PPARD: variants seen among roughly 807,000 people sequenced by gnomAD.
PPARD encodes peroxisome proliferator-activated receptor delta.
Under a neutral mutation model 39.5 loss-of-function variants are expected in PPARD, and 6 were observed. The ratio of observed to expected loss-of-function variants is 0.15; its 90% CI spans 0.08 to 0.30. The LOEUF (loss-of-function observed/expected upper bound fraction) is 0.30. PPARD is among the 10% of genes least tolerant of loss of function. The pLI, the probability that PPARD is intolerant of heterozygous loss-of-function variation, is 1.00. For missense variants in PPARD, 397 were observed against 596.8 expected (o/e 0.67, Z 3.49); for synonymous variants, 210 against 231.3 (o/e 0.91, Z 0.83).
At chr6:35,356,987 C>T (rs1761652257) in intron 2 of PPARD, among the ~76,000 whole-genome samples, 1 of 152,236 alleles carries the variant, frequency 6.6e-6, no homozygotes. Context: ...CATATGATGT[C>T]TGCACAACAG....
intron 2 of PPARD, among the ~76,000 whole-genome samples, chr6:35,403,554 CA>C (rs1764835209): frequency 6.6e-6 from 1 of 152,168 alleles, no homozygotes; most frequent in Admixed American, 6.5e-5. Flanking sequence ...TATATTTATT[CA>C]TCCAGCAAAC....
At chr6:35,369,749 A>G (rs994458517) in intron 2 of PPARD, among the ~76,000 whole-genome samples, 1 of 152,246 alleles carries the variant, frequency 6.6e-6, no homozygotes, top group African/African-American at 2.4e-5. Flanking sequence ...ACAGACGTTT[A>G]GGTTATTTCT....
At chr6:35,376,657 C>G (rs1430279629) in intron 2 of PPARD, among the ~76,000 whole-genome samples, 1 of 152,068 alleles carries the variant, frequency 6.6e-6, no homozygotes, top group Non-Finnish European at 1.5e-5. Context: ...AGTGCGGCAC[C>G]CCTTTACTAC....
chr6:35,397,277 A>G (rs1418098635), intron 2 of PPARD, among the ~76,000 whole-genome samples: 3 of 146,130 alleles, frequency 2.1e-5, no homozygotes, highest in South Asian at 2.1e-4. Context: ...AGAGGATTGT[A>G]TAGTTTAAGG....
intron 3 of PPARD, among the ~76,000 whole-genome samples, chr6:35,416,409 A>C (rs1447869768): frequency 1.8e-5 from 2 of 111,678 alleles, no homozygotes; most frequent in South Asian, 2.9e-4. Context: ...AAAAAAAAAA[A>C]ACACCTTCTT....
intron 2 of PPARD, among the ~76,000 whole-genome samples, chr6:35,396,038 G>A (rs1368807781): frequency 6.6e-6 from 1 of 152,172 alleles, no homozygotes; most frequent in Non-Finnish European, 1.5e-5. Flanking sequence ...CATGCATTTG[G>A]TATGACCTGC....
At chr6:35,410,022 C>T (rs562833733) in intron 2 of PPARD, among the ~76,000 whole-genome samples, 12 of 152,280 alleles carry the variant, frequency 7.9e-5, no homozygotes, top group African/African-American at 2.6e-4. Context: ...GGTTCTGGTT[C>T]TGATGAGTGG....
intron 2 of PPARD, among the ~76,000 whole-genome samples, chr6:35,380,459 G>GTTTT (rs11334296): frequency 9.3e-5 from 9 of 97,152 alleles, no homozygotes; most frequent in Non-Finnish European, 1.3e-4. Context: ...TTAACCTCGT[G>GTTTT]TTTTTTTTTT....
At chr6:35,415,232 A>G (rs1357389574) in intron 3 of PPARD, among the ~76,000 whole-genome samples, 1 of 152,242 alleles carries the variant, frequency 6.6e-6, no homozygotes, top group African/African-American at 2.4e-5. Context: ...AGGAGCCCAC[A>G]GTTCAGGCAA....
chr6:35,366,147 A>G lies in PPARD; in HGVS notation c.-102+18997A>G, dbSNP rs573090135. On this transcript the variant is annotated intron_variant, in intron 2 of 7. Transcript: ENST00000360694. This position sits in a 1 kb window ranked among gnomAD's most constrained non-coding sequence, Gnocchi z 4.6. ...CTATTCCTGCATAACAAATTACCCC[A>G]AAACTTAGTAGCTTAAAACACTATC... 6.6e-6 allele frequency among the ~76,000 whole-genome samples: 1 copy of G among 151,862 alleles called. No homozygotes were observed. Among genetic ancestry groups the G allele is most frequent in the Non-Finnish European group, 1.5e-5 (1 of 68,044 alleles).
At chr6:35,403,911 C>G (rs1009716317) in intron 2 of PPARD, among the ~76,000 whole-genome samples, 1 of 152,172 alleles carries the variant, frequency 6.6e-6, no homozygotes, top group African/African-American at 2.4e-5. Flanking sequence ...CATAGGCAGG[C>G]AGAGCAGGAG....
At chr6:35,357,337 CT>C (rs959060396) in intron 2 of PPARD, among the ~76,000 whole-genome samples, 4 of 152,304 alleles carry the variant, frequency 2.6e-5, no homozygotes, top group African/African-American at 9.6e-5. Context: ...TTGCAGCCCC[CT>C]CTCCTGTGTA....
chr6:35,388,311 A>C (rs1763800811), intron 2 of PPARD, among the ~76,000 whole-genome samples: 1 of 152,202 alleles, frequency 6.6e-6, no homozygotes, highest in Non-Finnish European at 1.5e-5. Context: ...CTCAGAGAGA[A>C]CATGAGAGGC....
intron 2 of PPARD, among the ~76,000 whole-genome samples, chr6:35,372,768 G>A (rs1201975097): frequency 1.3e-5 from 2 of 152,176 alleles, no homozygotes; most frequent in Non-Finnish European, 2.9e-5. Context: ...AGTTAGACCT[G>A]GGTTCAGATT....
chr6:35,344,026 G>C (rs1792023290), intron 1 of PPARD, among the ~76,000 whole-genome samples: 1 of 151,980 alleles, frequency 6.6e-6, no homozygotes, highest in African/African-American at 2.4e-5. Flanking sequence ...TTGCTGGCCT[G>C]ATAGCCCTGG....
chr6:35,355,671 G>A (rs1318721184), intron 2 of PPARD, among the ~76,000 whole-genome samples: 1 of 132,174 alleles, frequency 7.6e-6, no homozygotes, highest in Non-Finnish European at 1.5e-5. Flanking sequence ...GAGTGCAGTG[G>A]CGTGATCTCG....
chr6:35,424,270 TG>T lies in PPARD; in HGVS notation c.628-55del, dbSNP rs1273365586. On this transcript the variant is annotated intron_variant, in intron 6 of 7. Coordinates refer to ENST00000360694, the MANE Select transcript of PPARD (RefSeq NM_006238.5). This position sits in a 1 kb window ranked among gnomAD's most constrained non-coding sequence, Gnocchi z 7.1. ...AACTTCATGGTGCAGGCAAGGGACA[TG>T]GGGAGCACAGGGTGGGGGTCTCCCG... 6.9e-6 allele frequency: 11 copies of T among 1,597,018 alleles called. No homozygotes were observed. The highest frequency in any genetic ancestry group is 9.4e-6 in the Non-Finnish European group (11 of 1,169,756).
At chr6:35,355,361 G>A (rs997629060) in intron 2 of PPARD, among the ~76,000 whole-genome samples, 24 of 151,694 alleles carry the variant, frequency 1.6e-4, no homozygotes, top group Admixed American at 1.5e-3. Flanking sequence ...AGACCAGCCT[G>A]GGCAACATGG....
intron 2 of PPARD, among the ~76,000 whole-genome samples, chr6:35,354,533 A>G (rs1319801240): frequency 6.6e-6 from 1 of 152,026 alleles, no homozygotes; most frequent in Non-Finnish European, 1.5e-5. Flanking sequence ...ACTCCTGACC[A>G]GGTGACCTGC....
Sources: allele counts gnomAD v4.1 joint callset (sites outside exome capture counted in the v4.1 genomes callset), GRCh38; gene constraint gnomAD v4.1.1; non-coding constraint Gnocchi (gnomAD v3.1); transcripts MANE v1.5; gene names NCBI Gene and HGNC (gene_info 2026-07-23, HGNC 2026-07-21).